Variants in COMMD10 observed in about 807,000 individuals in gnomAD.
The protein encoded by COMMD10 is COMM domain-containing protein 10.
In COMMD10, 33 loss-of-function variants were observed where a neutral mutation model predicts 28.9. The ratio of observed to expected loss-of-function variants is 1.14; its 90% CI spans 0.87 to 1.53. The LOEUF (loss-of-function observed/expected upper bound fraction) is 1.53, where lower values mean the gene tolerates loss of function less well. Ranked by LOEUF, COMMD10 falls within the 40% of genes most tolerant of loss-of-function variation. The probability of loss-of-function intolerance (pLI) is 0.00; values close to 1 mark genes in which losing one functional copy is unlikely to be tolerated. For synonymous variants in COMMD10, 110 were observed against 81.7 expected, an observed-to-expected ratio of 1.35 and a Z score of -1.87; for missense variants, 310 against 233.4, an observed-to-expected ratio of 1.33 and a Z score of -2.14.
intron 5 of COMMD10, among the ~76,000 whole-genome samples, chr5:116,217,260 G>T (rs1292389566): frequency 6.6e-6 from 1 of 151,732 alleles, no homozygotes. Context: ...AACAGTCGTG[G>T]TATTTCAGGC....
At chr5:116,222,406 T>C (rs373245397) in intron 5 of COMMD10, among the ~76,000 whole-genome samples, 3 of 152,334 alleles carry the variant, frequency 2.0e-5, no homozygotes, top group African/African-American at 2.4e-5. Context: ...TCAACAATTA[T>C]AGTTTCTGTA....
At chr5:116,277,450 C>T (rs371622608) in intron 5 of COMMD10, among the ~76,000 whole-genome samples, 2 of 151,940 alleles carry the variant, frequency 1.3e-5, no homozygotes, top group East Asian at 1.9e-4. Flanking sequence ...AAATTTTCTT[C>T]TGGATAGTTA....
chr5:116,108,485 C>A (rs1177357184), intron 4 of COMMD10, among the ~76,000 whole-genome samples: 1 of 152,216 alleles, frequency 6.6e-6, no homozygotes, highest in Non-Finnish European at 1.5e-5. Flanking sequence ...GGCTTTGTTA[C>A]ACTGTGAGGG....
At chr5:116,101,068 T>C (rs1013512332) in intron 4 of COMMD10, among the ~76,000 whole-genome samples, 5 of 152,216 alleles carry the variant, frequency 3.3e-5, no homozygotes, top group African/African-American at 7.2e-5. Flanking sequence ...GCAAAAGATA[T>C]GATTCTGTTC....
chr5:116,231,243 G>A (rs930728549), intron 5 of COMMD10, among the ~76,000 whole-genome samples: 3 of 152,138 alleles, frequency 2.0e-5, no homozygotes, highest in African/African-American at 4.8e-5. Context: ...GGGATATCTT[G>A]TTAATAAATT....
At chr5:116,156,321 T>A (rs1752709335) in intron 5 of COMMD10, among the ~76,000 whole-genome samples, 1 of 152,160 alleles carries the variant, frequency 6.6e-6, no homozygotes, top group Non-Finnish European at 1.5e-5. Flanking sequence ...CTTAACTGAT[T>A]GAGGCTCAAA....
At chr5:116,218,901 T>G (rs1330845061) in intron 5 of COMMD10, among the ~76,000 whole-genome samples, 3 of 152,150 alleles carry the variant, frequency 2.0e-5, no homozygotes, top group Non-Finnish European at 2.9e-5. Context: ...TTGTGCTTCC[T>G]CAAAATTTGT....
chr5:116,215,513 C>G (rs1749070552), intron 5 of COMMD10, among the ~76,000 whole-genome samples: 1 of 151,180 alleles, frequency 6.6e-6, no homozygotes, highest in South Asian at 2.1e-4. Flanking sequence ...AAGGTGAAAC[C>G]CTGTCTCTAC....
chr5:116,260,051 C>T lies in COMMD10; in HGVS notation c.511-31466C>T, dbSNP rs200640896. Reference sequence around the variant, plus strand: ...GGTATTATTTTCCTGCACTATCATTCTTTCTTCTTTTTAGTAATATATTTT... The same window carrying T: ...GGTATTATTTTCCTGCACTATCATTTTTTCTTCTTTTTAGTAATATATTTT... On this transcript the variant is annotated intron_variant, in intron 5 of 6. Transcript: ENST00000274458. 4.0e-5 allele frequency among the ~76,000 whole-genome samples: 6 copies of T among 151,728 alleles called. No homozygotes were observed. The East Asian group carries it at 1.2e-3, about 29-fold the overall frequency.
At position 116,123,382 on chromosome 5, in the gene COMMD10, C is replaced by T. The variant is rs143272441; in HGVS notation, c.400-10686C>T. Among the ~76,000 whole-genome samples, 592 of 152,116 alleles carry T rather than the reference C, an allele frequency of 3.9e-3. 7 individuals are homozygous for T. The highest frequency in any genetic ancestry group is 0.013 in the African/African-American group (559 of 41,494). ...GTGATGGATTACGTTTATTGATTGG[C>T]GTATGTTGAACCAGCCTTGTATCCC... On this transcript the variant is annotated intron_variant, in intron 4 of 6. Coordinates refer to ENST00000274458, the MANE Select transcript of COMMD10 (RefSeq NM_016144.4).
At chr5:116,234,205 TCAG>T (rs1749600590) in intron 5 of COMMD10, among the ~76,000 whole-genome samples, 1 of 152,078 alleles carries the variant, frequency 6.6e-6, no homozygotes, top group African/African-American at 2.4e-5. Flanking sequence ...AGGGAAATTC[TCAG>T]CAGCATCAGA....
At chr5:116,241,397 A>G (rs1167628713) in intron 5 of COMMD10, among the ~76,000 whole-genome samples, 1 of 152,122 alleles carries the variant, frequency 6.6e-6, no homozygotes, top group Non-Finnish European at 1.5e-5. Flanking sequence ...ACATATCTGT[A>G]ATTTTCTGAG....
At chr5:116,211,105 G>A (rs1438765779) in intron 5 of COMMD10, among the ~76,000 whole-genome samples, 1 of 152,016 alleles carries the variant, frequency 6.6e-6, no homozygotes, top group Non-Finnish European at 1.5e-5. Context: ...GTTCTTCAGA[G>A]AAATTCAACC....
intron 5 of COMMD10, among the ~76,000 whole-genome samples, chr5:116,215,787 CCTCTT>C (rs1043358266): frequency 6.1e-5 from 9 of 147,296 alleles, no homozygotes; most frequent in African/African-American, 1.2e-4. Context: ...AGCATTTTCT[CCTCTT>C]CTCATTTGTT....
intron 5 of COMMD10, among the ~76,000 whole-genome samples, chr5:116,234,147 T>C (rs1749599048): frequency 6.6e-6 from 1 of 152,122 alleles, no homozygotes; most frequent in African/African-American, 2.4e-5. Flanking sequence ...AGTGGACATC[T>C]GCTATGGAAG....
rs185869194 is a variant in COMMD10, at chr5:116,268,797, C to T, written c.511-22720C>T. Among the ~76,000 whole-genome samples, 11 of 151,660 alleles carry T rather than the reference C, an allele frequency of 7.3e-5. No individual in the cohort carries two copies. The South Asian group carries it at 8.3e-4, about 11-fold the overall frequency. The stretch of plus-strand genomic sequence containing the variant: ...AAAGGATGAGTTTATGTCCTTTGTA[C>T]GGACATGGATGAAGCTGGAAACCAT... On this transcript the variant is annotated intron_variant, in intron 5 of 6. Coordinates refer to ENST00000274458, the MANE Select transcript of COMMD10 (RefSeq NM_016144.4).
At chr5:116,210,256 A>G (rs1215462446) in intron 5 of COMMD10, among the ~76,000 whole-genome samples, 2 of 152,106 alleles carry the variant, frequency 1.3e-5, no homozygotes, top group Non-Finnish European at 2.9e-5. Context: ...TTGAGGAGAC[A>G]AACCATAGCA....
At chr5:116,291,448 G>A in intron 5 of COMMD10, 69 bp from the exon 6 acceptor site, 1 of 1,080,802 alleles carries the variant, frequency 9.3e-7, no homozygotes, top group Admixed American at 1.9e-5. Context: ...TCTGAGGTTA[G>A]CTGGAGAGAA....
chr5:116,261,303 A>C (rs1750437230), intron 5 of COMMD10, among the ~76,000 whole-genome samples: 1 of 151,712 alleles, frequency 6.6e-6, no homozygotes, highest in Non-Finnish European at 1.5e-5. Context: ...GGAGATGAAA[A>C]TTGTAGATGT....
Sources: allele counts gnomAD v4.1 joint callset (sites outside exome capture counted in the v4.1 genomes callset), GRCh38; gene constraint gnomAD v4.1.1; transcripts MANE v1.5; gene names NCBI Gene and HGNC (gene_info 2026-07-23, HGNC 2026-07-21).